The following DOCK3 variants were observed in gnomAD, a reference collection of about 807,000 sequenced individuals.
DOCK3 encodes the protein dedicator of cytokinesis protein 3.
DOCK3 carries 60 observed loss-of-function variants against 265.6 expected under a neutral mutation model. That is an observed-to-expected ratio of 0.23 (90% CI 0.18 to 0.28). DOCK3 has a LOEUF of 0.28. DOCK3 is among the 10% of genes least tolerant of loss of function. The pLI is 1.00. For synonymous variants in DOCK3, 881 were observed against 938.0 expected (o/e 0.94, Z 1.11); for missense variants, 1,981 against 2,594.3 (o/e 0.76, Z 5.14).
At chr3:50,802,420 A>G (rs1273922401) in intron 2 of DOCK3, among the ~76,000 whole-genome samples, 1 of 152,092 alleles carries the variant, frequency 6.6e-6, no homozygotes, top group Non-Finnish European at 1.5e-5. Flanking sequence ...TCCAGATATA[A>G]GACTCTCTTG....
chr3:51,288,258 G>A (rs745429264), intron 27 of DOCK3, among the ~76,000 whole-genome samples: 14 of 152,076 alleles, frequency 9.2e-5, no homozygotes, highest in South Asian at 4.1e-4. Flanking sequence ...CGGGCATGGC[G>A]GCACATGCCT....
intron 5 of DOCK3, among the ~76,000 whole-genome samples, chr3:50,987,216 T>G (rs1194467511): frequency 1.3e-5 from 2 of 152,236 alleles, no homozygotes; most frequent in Non-Finnish European, 2.9e-5. Flanking sequence ...TGCTAGAATC[T>G]GTAATAAGAG....
chr3:50,744,749 G>A (rs1161191529), intron 1 of DOCK3, among the ~76,000 whole-genome samples: 1 of 152,082 alleles, frequency 6.6e-6, no homozygotes, highest in African/African-American at 2.4e-5. Context: ...GTTAATTTTT[G>A]TATGTGTTGA....
intron 1 of DOCK3, among the ~76,000 whole-genome samples, chr3:50,717,994 T>G (rs185684327): frequency 1.5e-3 from 221 of 152,328 alleles, no homozygotes; most frequent in Non-Finnish European, 1.4e-3. Context: ...ATATTAAGCA[T>G]TCACAATATA....
intron 9 of DOCK3, among the ~76,000 whole-genome samples, chr3:51,128,285 T>C (rs955163820): frequency 6.6e-6 from 1 of 152,162 alleles, no homozygotes; most frequent in Non-Finnish European, 1.5e-5. Context: ...TGAGAGAAAC[T>C]GTACCATACA....
chr3:50,734,546 C>T (rs1473489961), intron 1 of DOCK3, among the ~76,000 whole-genome samples: 1 of 151,134 alleles, frequency 6.6e-6, no homozygotes, highest in Non-Finnish European at 1.5e-5. Context: ...ACTTCTCTCC[C>T]CACATTTTAT....
At chr3:51,228,598 A>C in intron 17 of DOCK3, 63 bp from the exon 18 acceptor site, 1 of 1,539,028 alleles carries the variant, frequency 6.5e-7, no homozygotes, top group Admixed American at 2.0e-5. Flanking sequence ...AGAAATTCCT[A>C]GGACCTGGTT....
intron 38 of DOCK3, among the ~76,000 whole-genome samples, chr3:51,342,867 G>A (rs1425026920): frequency 1.3e-5 from 2 of 152,120 alleles, no homozygotes; most frequent in African/African-American, 4.8e-5. Context: ...CTGCAATCCT[G>A]CCTTTGCCCT....
chr3:51,014,801 T>C (rs2108794313), intron 5 of DOCK3, among the ~76,000 whole-genome samples: 1 of 152,282 alleles, frequency 6.6e-6, no homozygotes, highest in Non-Finnish European at 1.5e-5. Flanking sequence ...TTCCATTTAG[T>C]GTCCTCTTCA....
chr3:51,143,460 G>C (rs1349226318), intron 9 of DOCK3, among the ~76,000 whole-genome samples: 1 of 149,530 alleles, frequency 6.7e-6, no homozygotes, highest in African/African-American at 2.5e-5. Flanking sequence ...AGTAGAGACA[G>C]GGTTTCACTA....
chr3:50,875,009 A>G (rs965561163), intron 3 of DOCK3, among the ~76,000 whole-genome samples: 2 of 152,204 alleles, frequency 1.3e-5, no homozygotes, highest in African/African-American at 2.4e-5. Context: ...GAGTTGAACA[A>G]TGAGAACACA....
intron 5 of DOCK3, among the ~76,000 whole-genome samples, chr3:50,943,603 G>T (rs2076353173): frequency 6.6e-6 from 1 of 151,990 alleles, no homozygotes; most frequent in South Asian, 2.1e-4. Context: ...TCTCAGTTGT[G>T]AATATATATT....
At chr3:50,953,957 A>G (rs1385914827) in intron 5 of DOCK3, among the ~76,000 whole-genome samples, 2 of 152,116 alleles carry the variant, frequency 1.3e-5, no homozygotes, top group African/African-American at 2.4e-5. Context: ...TACCATTTCA[A>G]CTATCATTAA....
chr3:51,186,093 C>T (rs1326361178), intron 12 of DOCK3, among the ~76,000 whole-genome samples: 1 of 152,100 alleles, frequency 6.6e-6, no homozygotes. Context: ...CAGAAGAAGA[C>T]AGGAAAATGC....
Position 51,381,717 on chromosome 3 carries a change from T to C in DOCK3, c.*158T>C, listed in dbSNP as rs2088664424. ...TCTCCGTTCTACTGCCGTGAACTCA[T>C]GTGTTGCCATGTACAGAGGCCACAG... is the stretch of plus-strand genomic sequence containing the variant. On this transcript the variant is annotated 3_prime_UTR_variant, in exon 53 of 53. Transcript: ENST00000266037. This position sits in a 1 kb window ranked among gnomAD's most constrained non-coding sequence, Gnocchi z 5.6. 2.0e-6 allele frequency: 2 copies of C among 1,009,790 alleles called. No individual in the cohort carries two copies. Among genetic ancestry groups the C allele is most frequent in the Non-Finnish European group, 2.8e-6 (2 of 720,272 alleles). 62.6% of individuals were successfully genotyped at this position (1,009,790 alleles called of 1,614,324 possible).
At chr3:51,306,023 CT>C (rs573396023) in intron 27 of DOCK3, among the ~76,000 whole-genome samples, 16 of 139,238 alleles carry the variant, frequency 1.1e-4, no homozygotes, top group Admixed American at 1.4e-4. Flanking sequence ...TTTTTTTTTT[CT>C]TTTTTTTTTT....
chr3:51,139,335 C>T (rs1007794235), intron 9 of DOCK3, among the ~76,000 whole-genome samples: 6 of 152,090 alleles, frequency 3.9e-5, no homozygotes, highest in Admixed American at 2.0e-4. Context: ...ATCTGGGGGA[C>T]TGTGTCTGTC....
At chr3:50,825,538 A>G (rs2106997510) in intron 2 of DOCK3, among the ~76,000 whole-genome samples, 1 of 152,272 alleles carries the variant, frequency 6.6e-6, no homozygotes, top group Non-Finnish European at 1.5e-5. Flanking sequence ...ATGGGGGGTT[A>G]AAATAGAGCA....
intron 5 of DOCK3, among the ~76,000 whole-genome samples, chr3:51,050,432 A>G (rs1394763724): frequency 6.6e-6 from 1 of 152,246 alleles, no homozygotes; most frequent in Non-Finnish European, 1.5e-5. Context: ...GCCAGTTGAT[A>G]CATGAGATTT....
Sources: allele counts gnomAD v4.1 joint callset (sites outside exome capture counted in the v4.1 genomes callset), GRCh38; gene constraint gnomAD v4.1.1; non-coding constraint Gnocchi (gnomAD v3.1); transcripts MANE v1.5; gene names NCBI Gene and HGNC (gene_info 2026-07-23, HGNC 2026-07-21).